Variants in IRF2 observed in about 807,000 individuals in gnomAD.
IRF2 encodes the protein interferon regulatory factor 2.
Under a neutral mutation model 40.6 loss-of-function variants are expected in IRF2, and 15 were observed. The ratio of observed to expected loss-of-function variants is 0.37; its 90% confidence interval spans 0.25 to 0.57. The LOEUF (loss-of-function observed/expected upper bound fraction) is 0.57, where lower values mean the gene tolerates loss of function less well. Ranked by LOEUF, IRF2 falls within the 20% of genes least tolerant of loss-of-function variation. IRF2 has a pLI of 0.77. For missense variants in IRF2, 317 were observed against 455.7 expected, an observed-to-expected ratio of 0.70 and a Z score of 2.77; for synonymous variants, 151 against 165.5, an observed-to-expected ratio of 0.91 and a Z score of 0.67.
rs186152599 is a variant in IRF2 at position 184,446,736 on chromosome 4, G to A, written c.-6-17666C>T. Among the ~76,000 whole-genome samples, 418 of 152,098 alleles carry A rather than the reference G, an allele frequency of 2.7e-3. 3 individuals carry two copies. The highest frequency in any genetic ancestry group is 3.8e-3 in the Non-Finnish European group (259 of 68,002). ...CATGCATAGGAGGCGGACGGATCAC[G>A]AGGTCAGGAGATCGAGACCACCCCG... On this transcript the variant is annotated intron_variant, in intron 1 of 8. Coordinates refer to ENST00000393593, the MANE Select transcript of IRF2 (RefSeq NM_002199.4).
At chr4:184,467,967 A>G (rs1048214962) in intron 1 of IRF2, among the ~76,000 whole-genome samples, 2 of 152,226 alleles carry the variant, frequency 1.3e-5, no homozygotes, top group Admixed American at 1.3e-4. Flanking sequence ...TGGGATAAAA[A>G]TACTTAGAAT....
At chr4:184,442,194 C>T (rs1370866153) in intron 1 of IRF2, among the ~76,000 whole-genome samples, 3 of 152,186 alleles carry the variant, frequency 2.0e-5, no homozygotes, top group Non-Finnish European at 2.9e-5. Context: ...ACTTTCCCAG[C>T]GAGTGGGCAT....
intron 1 of IRF2, among the ~76,000 whole-genome samples, chr4:184,457,012 T>C (rs1349043997): frequency 6.6e-6 from 1 of 152,222 alleles, no homozygotes; most frequent in Non-Finnish European, 1.5e-5. Flanking sequence ...CGGCACCTGA[T>C]GGCCACATCT....
chr4:184,427,287 C>T (rs954302648), intron 2 of IRF2, among the ~76,000 whole-genome samples: 3 of 152,252 alleles, frequency 2.0e-5, no homozygotes, highest in African/African-American at 7.2e-5. Flanking sequence ...CAGATGGTTT[C>T]TTCATTTCTA....
chr4:184,396,881 T>C (rs1468907073), intron 7 of IRF2, among the ~76,000 whole-genome samples: 1 of 152,150 alleles, frequency 6.6e-6, no homozygotes, highest in South Asian at 2.1e-4. Context: ...GGCGAGCAGA[T>C]CACTTGAGCC....
intron 2 of IRF2, among the ~76,000 whole-genome samples, chr4:184,421,635 C>A (rs968070854): frequency 1.3e-5 from 2 of 151,956 alleles, no homozygotes; most frequent in African/African-American, 4.8e-5. Flanking sequence ...CAAAGGAGTT[C>A]TAGGGTGACA....
rs28459893 is a variant in IRF2, at chr4:184,407,491, A to T, written c.529+667T>A. Among the ~76,000 whole-genome samples, 1,345 of 152,296 alleles carry T rather than the reference A, an allele frequency of 8.8e-3. 26 individuals carry two copies. The highest frequency in any genetic ancestry group is 0.031 in the African/African-American group (1,294 of 41,546). Reference sequence around the variant, plus strand: ...GGAAGTTGTTCAACTGTTACGAAGGAGGGAAAACACTGCTCCTCTGAGACC... The same window carrying T: ...GGAAGTTGTTCAACTGTTACGAAGGTGGGAAAACACTGCTCCTCTGAGACC... On this transcript the variant is annotated intron_variant, in intron 6 of 8. Transcript: ENST00000393593.
chr4:184,432,763 G>A (rs1737934046), intron 1 of IRF2, among the ~76,000 whole-genome samples: 1 of 152,240 alleles, frequency 6.6e-6, no homozygotes, highest in Admixed American at 6.5e-5. Flanking sequence ...GGCACGTGAA[G>A]CCAAAGGCAG....
intron 1 of IRF2, among the ~76,000 whole-genome samples, chr4:184,447,722 T>C (rs1738565018): frequency 6.6e-6 from 1 of 152,246 alleles, no homozygotes; most frequent in Admixed American, 6.5e-5. Flanking sequence ...GTGATATTCT[T>C]GTAAGAAATG....
rs113999186 is a variant in IRF2 at position 184,454,912 on chromosome 4, C to T, written c.-7+19467G>A. 4.0e-3 allele frequency among the ~76,000 whole-genome samples: 606 copies of T among 152,266 alleles called. 7 individuals are homozygous for T. Among genetic ancestry groups the T allele is most frequent in the African/African-American group, 0.014 (575 of 41,540 alleles). ...ATTTCCTTGGTCTCCCCTAAGACTT[C>T]CCCAAAGAAATTCCAAACAGTAGGG... On this transcript the variant is annotated intron_variant, in intron 1 of 8. Coordinates refer to ENST00000393593, the MANE Select transcript of IRF2 (RefSeq NM_002199.4).
In IRF2 at chr4:184,413,591, C is replaced by T. The variant is rs946670656; in HGVS notation, c.411+4576G>A. On this transcript the variant is annotated intron_variant, in intron 5 of 8. Transcript: ENST00000393593. The surrounding 1 kb of genome is among the most constrained non-coding windows in gnomAD (Gnocchi z 4.2). The stretch of plus-strand genomic sequence containing the variant: ...GAGCCAACAGCTCTATGAGAAAGAG[C>T]AGCCGAACCCCTATCTGCTTTTCTG... Among the ~76,000 whole-genome samples the T allele has an allele frequency of 2.0e-5, 3 of 152,210 alleles. No homozygotes were observed. The highest frequency in any genetic ancestry group is 7.2e-5 in the African/African-American group (3 of 41,458).
intron 1 of IRF2, among the ~76,000 whole-genome samples, chr4:184,430,284 G>C (rs1737825923): frequency 8.5e-6 from 1 of 117,422 alleles, no homozygotes; most frequent in African/African-American, 2.9e-5. Flanking sequence ...GCCTCCTGCT[G>C]TCTGGCCCAG....
chr4:184,419,004 G>A (rs1331943332), intron 3 of IRF2, among the ~76,000 whole-genome samples: 2 of 152,214 alleles, frequency 1.3e-5, no homozygotes, highest in Non-Finnish European at 2.9e-5. Flanking sequence ...ATCAGCGTAA[G>A]AAAAATATAG....
At chr4:184,390,624 A>G in intron 8 of IRF2, 79 bp downstream of exon 8, 4 of 1,378,884 alleles carry the variant, frequency 2.9e-6, no homozygotes, top group Non-Finnish European at 4.1e-6. Flanking sequence ...AAGGTGCATA[A>G]CCAGCAGCAA....
intron 3 of IRF2, 40 bp downstream of exon 3, chr4:184,419,429 G>T: frequency 7.7e-7 from 1 of 1,304,260 alleles, no homozygotes; most frequent in Non-Finnish European, 1.1e-6. Context: ...AACTAAGCAA[G>T]AGTGCCTTCC....
In IRF2 at chr4:184,416,679, G is replaced by A. The variant is rs576507858; in HGVS notation, c.411+1488C>T. Among the ~76,000 whole-genome samples the A allele has an allele frequency of 8.5e-5, 13 of 152,230 alleles. No individual in the cohort carries two copies. The East Asian group carries it at 2.5e-3, about 29-fold the overall frequency. On this transcript the variant is annotated intron_variant, in intron 5 of 8. Coordinates refer to ENST00000393593, the MANE Select transcript of IRF2 (RefSeq NM_002199.4). ...TTAAATATATATACTGAACTATTAT[G>A]GAAGAAATGCTATGAGGTTTGGAAT...
intron 1 of IRF2, among the ~76,000 whole-genome samples, chr4:184,458,093 T>G (rs1169541448): frequency 6.6e-6 from 1 of 152,208 alleles, no homozygotes; most frequent in Non-Finnish European, 1.5e-5. Context: ...GCTCACCCAC[T>G]GGCCACCAGA....
intron 1 of IRF2, among the ~76,000 whole-genome samples, chr4:184,447,647 A>C (rs557755249): frequency 3.3e-5 from 5 of 152,372 alleles, no homozygotes; most frequent in African/African-American, 1.2e-4. Flanking sequence ...AACGTTACGA[A>C]TTAAGGGGCA....
At chr4:184,423,677 C>T (rs991502422) in intron 2 of IRF2, among the ~76,000 whole-genome samples, 1 of 152,218 alleles carries the variant, frequency 6.6e-6, no homozygotes, top group East Asian at 1.9e-4. Context: ...ACCAGGACCC[C>T]GGATGTGACT....
Sources: gnomAD v4.1 joint callset for allele counts (sites outside exome capture counted in the v4.1 genomes callset) on GRCh38, gnomAD v4.1.1 for gene constraint, Gnocchi (gnomAD v3.1) non-coding constraint, MANE v1.5 for transcripts, NCBI Gene and HGNC (gene_info 2026-07-23, HGNC 2026-07-21) for gene names.